Variants in SMOC1 observed in about 807,000 individuals in gnomAD.
The protein encoded by SMOC1 is SPARC-related modular calcium-binding protein 1.
A neutral mutation model predicts 56.3 loss-of-function variants in SMOC1; 22 were observed. The ratio of observed to expected loss-of-function variants is 0.39; its 90% CI spans 0.28 to 0.56. The LOEUF (loss-of-function observed/expected upper bound fraction) is 0.56. Ranked by LOEUF, SMOC1 falls within the 20% of genes least tolerant of loss-of-function variation. SMOC1 has a pLI of 0.61. For missense variants in SMOC1, 509 were observed against 565.4 expected (o/e 0.90, Z 1.01); for synonymous variants, 193 against 215.0 (o/e 0.90, Z 0.89).
At position 69,879,871 on chromosome 14, in the gene SMOC1, G is replaced by A. The variant is rs12881537; in HGVS notation, c.99+94G>A. 3 of 1,152,846 alleles carry A rather than the reference G, an allele frequency of 2.6e-6. No individual in the cohort carries two copies. In the South Asian group the frequency reaches 4.3e-5, roughly 16 times the overall value. The allele number at this position is 1,152,846 out of a possible 1,614,324, so 71.4% of individuals were successfully genotyped here. ...GGGAAGGAGGAGGGGGAAGAGAGAT[G>A]TCAGAGACCTGTTGTCCTCTGTCTA... is the stretch of plus-strand genomic sequence containing the variant. On this transcript the variant is annotated intron_variant, in intron 1 of 11. Coordinates refer to ENST00000361956, the MANE Select transcript of SMOC1 (RefSeq NM_001034852.3).
intron 1 of SMOC1, among the ~76,000 whole-genome samples, chr14:69,890,544 C>A (rs1437046481): frequency 6.6e-6 from 1 of 152,216 alleles, no homozygotes; most frequent in East Asian, 1.9e-4. Flanking sequence ...AAGATTAAAA[C>A]ATGCATGATT....
At position 69,947,844 on chromosome 14, in the gene SMOC1, A is replaced by G. The variant is rs369436246; in HGVS notation, c.100-4294A>G. ...TTGTGGCTGCTGTACTGGACAGCAC[A>G]GATATAGAACATGTCCATCATGGTG... On this transcript the variant is annotated intron_variant, in intron 1 of 11. Coordinates refer to ENST00000361956, the MANE Select transcript of SMOC1 (RefSeq NM_001034852.3). Among the ~76,000 whole-genome samples the G allele has an allele frequency of 2.2e-4, 34 of 152,358 alleles. No individual in the cohort carries two copies. The South Asian group carries it at 6.6e-3, about 30-fold the overall frequency.
chr14:69,944,732 A>G (rs1333619819), intron 1 of SMOC1, among the ~76,000 whole-genome samples: 1 of 152,176 alleles, frequency 6.6e-6, no homozygotes, highest in Non-Finnish European at 1.5e-5. Context: ...CTAGAGTCTC[A>G]GATACTGCCC....
At chr14:69,993,342 T>C (rs1215452727) in intron 6 of SMOC1, among the ~76,000 whole-genome samples, 1 of 152,164 alleles carries the variant, frequency 6.6e-6, no homozygotes, top group Non-Finnish European at 1.5e-5. Context: ...GCTCAGGGCC[T>C]GTACTCTAAA....
intron 1 of SMOC1, among the ~76,000 whole-genome samples, chr14:69,898,966 C>T (rs1007758782): frequency 4.6e-5 from 7 of 152,060 alleles, no homozygotes; most frequent in African/African-American, 1.7e-4. Flanking sequence ...TTCTATAGTC[C>T]TATGATTAGG....
chr14:69,945,459 T>A (rs763677977), intron 1 of SMOC1, among the ~76,000 whole-genome samples: 3 of 152,084 alleles, frequency 2.0e-5, no homozygotes, highest in Non-Finnish European at 4.4e-5. Context: ...CTAAATGAAG[T>A]CATCATGGAT....
chr14:69,958,770 T>C (rs1173743174), intron 3 of SMOC1, among the ~76,000 whole-genome samples: 1 of 152,176 alleles, frequency 6.6e-6, no homozygotes, highest in Non-Finnish European at 1.5e-5. Context: ...TTGTTTGTAG[T>C]GGCAAAAAAT....
chr14:69,892,088 G>T (rs953664898), intron 1 of SMOC1, among the ~76,000 whole-genome samples: 5 of 152,192 alleles, frequency 3.3e-5, no homozygotes, highest in Admixed American at 1.3e-4. Flanking sequence ...ATGAAAGGAC[G>T]AGGGTTTCAA....
At chr14:69,961,302 A>ATATATT (rs2139463507) in intron 3 of SMOC1, among the ~76,000 whole-genome samples, 2 of 103,230 alleles carry the variant, frequency 1.9e-5, no homozygotes, top group South Asian at 6.0e-4. Context: ...ATATATATAT[A>ATATATT]TATATATATA....
chr14:69,915,401 C>T (rs977961908), intron 1 of SMOC1, among the ~76,000 whole-genome samples: 3 of 152,158 alleles, frequency 2.0e-5, no homozygotes, highest in Non-Finnish European at 2.9e-5. Context: ...GGTCGTATCT[C>T]GTACTTACTC....
At chr14:69,942,032 C>T (rs1381798761) in intron 1 of SMOC1, among the ~76,000 whole-genome samples, 1 of 152,202 alleles carries the variant, frequency 6.6e-6, no homozygotes, top group East Asian at 1.9e-4. Flanking sequence ...TCCTTCCTCC[C>T]TGCCTCTCCT....
chr14:69,886,732 T>C (rs1281291259), intron 1 of SMOC1, among the ~76,000 whole-genome samples: 2 of 152,200 alleles, frequency 1.3e-5, no homozygotes, highest in Non-Finnish European at 2.9e-5. Context: ...CTTAGATGCT[T>C]TTCCTATTAT....
chr14:69,919,911 C>T (rs1594801660), intron 1 of SMOC1, among the ~76,000 whole-genome samples: 1 of 35,792 alleles, frequency 2.8e-5, no homozygotes, highest in South Asian at 9.4e-4. Flanking sequence ...AACACAAATA[C>T]CCCCCCCCCC....
intron 1 of SMOC1, among the ~76,000 whole-genome samples, chr14:69,936,354 C>T (rs986856710): frequency 3.3e-5 from 5 of 152,330 alleles, no homozygotes; most frequent in African/African-American, 9.6e-5. Context: ...AGGGAGACTA[C>T]GTGGTGAGGA....
intron 1 of SMOC1, among the ~76,000 whole-genome samples, chr14:69,927,845 A>G (rs764738761): frequency 5.9e-5 from 9 of 152,136 alleles, no homozygotes; most frequent in Non-Finnish European, 1.2e-4. Flanking sequence ...GGCAGGACTG[A>G]GCATTCCGCA....
chr14:69,934,045 T>G (rs895494251), intron 1 of SMOC1, among the ~76,000 whole-genome samples: 1 of 152,212 alleles, frequency 6.6e-6, no homozygotes, highest in African/African-American at 2.4e-5. Context: ...ATACTGTAAC[T>G]GCCATATTTC....
intron 1 of SMOC1, among the ~76,000 whole-genome samples, chr14:69,945,615 A>G (rs1281798466): frequency 2.0e-5 from 3 of 152,188 alleles, no homozygotes; most frequent in Admixed American, 2.0e-4. Context: ...AAAATGATAA[A>G]TTGTGGTTTG....
rs565839625 is a variant in SMOC1 at position 70,001,301 on chromosome 14, A to G, written c.664+6821A>G. Among the ~76,000 whole-genome samples the G allele has an allele frequency of 2.0e-5, 3 of 152,288 alleles. No individual in the cohort carries two copies. The East Asian group carries it at 5.8e-4, about 29-fold the overall frequency. ...CAAGGTCATAGATCCATCAAGAACT[A>G]TCATGTGCTAAGGCCTCTGTTTGCC... On this transcript the variant is annotated intron_variant, in intron 7 of 11. Coordinates refer to ENST00000361956, the MANE Select transcript of SMOC1 (RefSeq NM_001034852.3).
intron 3 of SMOC1, among the ~76,000 whole-genome samples, chr14:69,970,828 G>A (rs1883737466): frequency 6.6e-6 from 1 of 152,088 alleles, no homozygotes; most frequent in African/African-American, 2.4e-5. Flanking sequence ...TTCAGAATTT[G>A]GGCTAATGTT....
Sources: allele counts gnomAD v4.1 joint callset (sites outside exome capture counted in the v4.1 genomes callset), GRCh38; gene constraint gnomAD v4.1.1; transcripts MANE v1.5; gene names NCBI Gene and HGNC (gene_info 2026-07-23, HGNC 2026-07-21).